SGCD: variants seen among roughly 807,000 people sequenced by gnomAD.
SGCD encodes sarcoglycan delta.
A neutral mutation model predicts 36.6 loss-of-function variants in SGCD; 18 were observed. The ratio of observed to expected loss-of-function variants is 0.49; its 90% confidence interval spans 0.34 to 0.73. The LOEUF is 0.73. Ranked by LOEUF, SGCD falls within the 30% of genes least tolerant of loss-of-function variation. The probability of loss-of-function intolerance (pLI) is 0.01; values close to 1 mark genes in which losing one functional copy is unlikely to be tolerated. For missense variants in SGCD, 387 were observed against 346.7 expected (o/e 1.12, Z -0.92); for synonymous variants, 133 against 130.6 (o/e 1.02, Z -0.12).
At chr5:156,333,223 T>G (rs1375237262) in intron 2 of SGCD, among the ~76,000 whole-genome samples, 1 of 152,204 alleles carries the variant, frequency 6.6e-6, no homozygotes, top group Non-Finnish European at 1.5e-5. Context: ...TTTATGAAAC[T>G]ATTGAATCAC....
At chr5:155,815,591 G>GC in the SGCD span, among the ~76,000 whole-genome samples, 1 of 152,320 alleles carries the variant, frequency 6.6e-6, no homozygotes. Flanking sequence ...AGGAAGCATG[G>GC]TTAGGGAGAT....
At chr5:155,847,193 T>C in the SGCD span, among the ~76,000 whole-genome samples, 1 of 152,200 alleles carries the variant, frequency 6.6e-6, no homozygotes, top group African/African-American at 2.4e-5. Flanking sequence ...GAATGAGATC[T>C]CATGTAATTC....
At chr5:155,837,197 G>T in the SGCD span, among the ~76,000 whole-genome samples, 3 of 152,022 alleles carry the variant, frequency 2.0e-5, no homozygotes, top group East Asian at 1.9e-4. Flanking sequence ...TCACTGGGTT[G>T]CCCAAGCTGG....
chr5:156,253,404 A>G (rs753992277), intron 3 of SGCD, among the ~76,000 whole-genome samples: 1 of 152,198 alleles, frequency 6.6e-6, no homozygotes, highest in Admixed American at 6.5e-5. Context: ...TATATTTACA[A>G]GGAAGGGACT....
At chr5:155,929,611 A>T (rs1443193406) in intron 1 of SGCD, among the ~76,000 whole-genome samples, 3 of 152,136 alleles carry the variant, frequency 2.0e-5, no homozygotes, top group Non-Finnish European at 4.4e-5. Context: ...CCTTTCTAAA[A>T]CATAAATCTG....
intron 1 of SGCD, among the ~76,000 whole-genome samples, chr5:156,060,683 G>T (rs1760181762): frequency 6.9e-6 from 1 of 145,834 alleles, no homozygotes; most frequent in South Asian, 2.2e-4. Context: ...GCCCTATGAA[G>T]AATTTGGGTG....
At chr5:156,672,804 A>C (rs1264623231) in intron 7 of SGCD, among the ~76,000 whole-genome samples, 2 of 152,178 alleles carry the variant, frequency 1.3e-5, no homozygotes, top group African/African-American at 4.8e-5. Context: ...CCCTGTCCGT[A>C]GGCTTTAGAT....
the SGCD span, among the ~76,000 whole-genome samples, chr5:155,740,643 C>T: frequency 5.9e-5 from 9 of 152,048 alleles, no homozygotes; most frequent in African/African-American, 2.2e-4. Flanking sequence ...ACAAATTGGT[C>T]TTGAGCAGCT....
chr5:156,450,418 G>C (rs538114763), intron 3 of SGCD, among the ~76,000 whole-genome samples: 1 of 151,944 alleles, frequency 6.6e-6, no homozygotes, highest in Admixed American at 6.6e-5. Context: ...CAGGAATTTG[G>C]TTCAGAAAGA....
chr5:155,918,356 A>G (rs1215487091), intron 1 of SGCD, among the ~76,000 whole-genome samples: 1 of 152,166 alleles, frequency 6.6e-6, no homozygotes, highest in East Asian at 1.9e-4. Flanking sequence ...TGAGATTAGG[A>G]GTTTGAGACC....
At chr5:156,120,963 G>A (rs1047576134) in intron 2 of SGCD, among the ~76,000 whole-genome samples, 4 of 152,090 alleles carry the variant, frequency 2.6e-5, no homozygotes, top group African/African-American at 4.8e-5. Flanking sequence ...TCCTCAAATT[G>A]CCGGGTACGA....
chr5:156,601,809 G>A (rs1368238756), intron 6 of SGCD, among the ~76,000 whole-genome samples: 5 of 151,942 alleles, frequency 3.3e-5, no homozygotes, highest in African/African-American at 1.2e-4. Flanking sequence ...TCAGCCTCCC[G>A]AGTAGCTGGG....
chr5:155,739,470 C>T, the SGCD span, among the ~76,000 whole-genome samples: 2 of 152,126 alleles, frequency 1.3e-5, no homozygotes, highest in Non-Finnish European at 2.9e-5. Context: ...AATGTATAAC[C>T]ATGTAATAAA....
chr5:155,932,609 G>C (rs528086958), intron 1 of SGCD, among the ~76,000 whole-genome samples: 1 of 152,244 alleles, frequency 6.6e-6, no homozygotes, highest in East Asian at 1.9e-4. Context: ...AGTCCATACA[G>C]GTGTCTGATT....
intron 1 of SGCD, among the ~76,000 whole-genome samples, chr5:155,990,348 T>C (rs536865364): frequency 1.9e-4 from 29 of 152,266 alleles, no homozygotes; most frequent in African/African-American, 6.3e-4. Context: ...ATATGACATA[T>C]AAAGATTTTT....
At chr5:155,825,934 A>G in the SGCD span, among the ~76,000 whole-genome samples, 2 of 152,056 alleles carry the variant, frequency 1.3e-5, no homozygotes, top group Non-Finnish European at 2.9e-5. Flanking sequence ...TTTTTAGTAG[A>G]GATGGGGGTT....
At chr5:156,456,986 C>T (rs1561708046) in intron 3 of SGCD, among the ~76,000 whole-genome samples, 1 of 152,144 alleles carries the variant, frequency 6.6e-6, no homozygotes, top group Non-Finnish European at 1.5e-5. Context: ...GTGAACATGG[C>T]TTGATTGGAG....
chr5:155,939,868 C>G (rs886566195), intron 1 of SGCD, among the ~76,000 whole-genome samples: 4 of 148,224 alleles, frequency 2.7e-5, no homozygotes, highest in Non-Finnish European at 4.4e-5. Context: ...GAGTCTCGCT[C>G]TGTCACCCAG....
intron 3 of SGCD, among the ~76,000 whole-genome samples, chr5:156,231,366 C>T (rs1262827778): frequency 6.6e-6 from 1 of 152,092 alleles, no homozygotes; most frequent in African/African-American, 2.4e-5. Context: ...GAAACCCCAT[C>T]TCTACTAAAA....
Sources: gnomAD v4.1 joint callset for allele counts (sites outside exome capture counted in the v4.1 genomes callset) on GRCh38, gnomAD v4.1.1 for gene constraint, MANE v1.5 for transcripts, NCBI Gene and HGNC (gene_info 2026-07-23, HGNC 2026-07-21) for gene names.